Variants in CYFIP2 observed in about 807,000 individuals in gnomAD.
CYFIP2 encodes the protein cytoplasmic FMR1-interacting protein 2.
In CYFIP2, 29 loss-of-function variants were observed where a neutral mutation model predicts 158.7. The observed-to-expected ratio is 0.18, with a 90% confidence interval of 0.14 to 0.25. The LOEUF is 0.25. CYFIP2 is among the 10% of genes least tolerant of loss of function. The pLI is 1.00. For missense variants in CYFIP2, 852 were observed against 1,639.5 expected (o/e 0.52, Z 8.29); for synonymous variants, 585 against 617.6 (o/e 0.95, Z 0.78).
At chr5:157,274,630 A>G (rs1489189087) in intron 1 of CYFIP2, among the ~76,000 whole-genome samples, 2 of 152,138 alleles carry the variant, frequency 1.3e-5, no homozygotes, top group East Asian at 3.9e-4. Flanking sequence ...GTGTGTTTAA[A>G]AATTTGAGGA....
chr5:157,395,190 A>AT lies in CYFIP2; in HGVS notation c.*2193dup, dbSNP rs1767644512. The AT allele has an allele frequency of 4.6e-6, 1 of 215,652 alleles. No homozygotes were observed. The highest frequency in any genetic ancestry group is 2.4e-5 in the African/African-American group (1 of 41,836). 13.4% of individuals were successfully genotyped at this position (215,652 alleles called of 1,614,324 possible). On this transcript the variant is annotated 3_prime_UTR_variant, in exon 31 of 31. Transcript: ENST00000620254. ...TCTTCCCTTTCAGCAGAAAGATTTC[A>AT]TTTCCCTGGCTTGCCAGTGGCACTG...
chr5:157,339,506 T>C (rs1762091215), intron 22 of CYFIP2, among the ~76,000 whole-genome samples: 1 of 152,216 alleles, frequency 6.6e-6, no homozygotes, highest in Non-Finnish European at 1.5e-5. Flanking sequence ...AAGTTGCCCA[T>C]TGGGGTGTTT....
At chr5:157,323,060 G>A (rs1368106414) in intron 15 of CYFIP2, 6 of 1,520,472 alleles carry the variant, frequency 3.9e-6, no homozygotes, top group Non-Finnish European at 5.3e-6. Flanking sequence ...CCCTTCTCGA[G>A]GAGGCAGCAG....
intron 23 of CYFIP2, among the ~76,000 whole-genome samples, chr5:157,346,440 T>C (rs1050924553): frequency 2.6e-5 from 4 of 152,110 alleles, no homozygotes; most frequent in African/African-American, 9.7e-5. Context: ...CAATGACTAA[T>C]GTCTTTGTAA....
At chr5:157,358,632 GT>G (rs1763583859) in intron 23 of CYFIP2, among the ~76,000 whole-genome samples, 1 of 152,164 alleles carries the variant, frequency 6.6e-6, no homozygotes, top group African/African-American at 2.4e-5. Flanking sequence ...CCAATGTCTA[GT>G]ACTAGTAATG....
chr5:157,287,212 C>G (rs904142495), intron 3 of CYFIP2, 104 bp downstream of exon 3: 1 of 828,036 alleles, frequency 1.2e-6, no homozygotes, highest in East Asian at 2.7e-5. Flanking sequence ...ACTCTAAGAA[C>G]CCCCTGCCTC....
intron 6 of CYFIP2, among the ~76,000 whole-genome samples, chr5:157,301,398 C>G (rs1398121713): frequency 1.3e-5 from 2 of 152,200 alleles, no homozygotes; most frequent in Non-Finnish European, 2.9e-5. Context: ...GCTTCATTCT[C>G]AGGTCTGTGG....
At chr5:157,366,098 C>A (rs1220279) in intron 26 of CYFIP2, among the ~76,000 whole-genome samples, 80,507 of 151,910 alleles carry the variant, frequency 0.53, 22,212 homozygotes, top group African/African-American at 0.63. Context: ...TGAGAGTTAT[C>A]ATTTCTTTGC....
Position 157,341,053 on chromosome 5 carries a change from C to T in CYFIP2, c.2586-17C>T. The T allele has an allele frequency of 6.2e-7, 1 of 1,610,854 alleles. No individual in the cohort carries two copies. Among genetic ancestry groups the T allele is most frequent in the Non-Finnish European group, 8.5e-7 (1 of 1,177,006 alleles). ...TAGGACCATATTAACTCTTTCCCATCCCTATGCTTCTACTAGTTTTGTGCG... is the reference window on the plus strand; with the variant it reads ...TAGGACCATATTAACTCTTTCCCATTCCTATGCTTCTACTAGTTTTGTGCG... On this transcript the variant is annotated splice_polypyrimidine_tract_variant and intron_variant, in intron 22 of 30. Transcript: ENST00000620254.
chr5:157,339,601 G>A (rs1446684090), intron 22 of CYFIP2, among the ~76,000 whole-genome samples: 1 of 152,228 alleles, frequency 6.6e-6, no homozygotes, highest in Non-Finnish European at 1.5e-5. Context: ...GAGGATGTGG[G>A]TGATCAATCA....
intron 22 of CYFIP2, 43 bp downstream of exon 22, chr5:157,339,299 G>A (rs372141823): frequency 2.4e-5 from 38 of 1,573,264 alleles, no homozygotes; most frequent in Non-Finnish European, 3.0e-5. Flanking sequence ...GGGGGTTGGG[G>A]GAGTGGCCAG....
chr5:157,390,402 A>T, intron 29 of CYFIP2, 119 bp from the exon 30 acceptor site: 1 of 923,780 alleles, frequency 1.1e-6, no homozygotes, highest in Non-Finnish European at 1.6e-6. Context: ...AGGTTAAGAG[A>T]CTTGGCCCAA....
At chr5:157,309,615 G>A (rs532655179) in intron 9 of CYFIP2, 128 bp from the exon 10 acceptor site, 33 of 777,744 alleles carry the variant, frequency 4.2e-5, no homozygotes, top group Non-Finnish European at 5.9e-5. Context: ...TAGCGTCATC[G>A]GAAGCAGAAA....
chr5:157,364,972 A>T (rs1581151907), intron 26 of CYFIP2: 1 of 152,240 alleles, frequency 6.6e-6, no homozygotes, highest in African/African-American at 2.4e-5. Flanking sequence ...AAGATAAAAA[A>T]TAGTGAAAGA....
At chr5:157,318,226 A>C (rs1760307914) in intron 13 of CYFIP2, among the ~76,000 whole-genome samples, 1 of 152,172 alleles carries the variant, frequency 6.6e-6, no homozygotes, top group African/African-American at 2.4e-5. Context: ...AATTTTGATG[A>C]AGTCCAATTT....
intron 1 of CYFIP2, among the ~76,000 whole-genome samples, chr5:157,272,106 G>A (rs977622734): frequency 2.6e-5 from 4 of 152,202 alleles, no homozygotes; most frequent in Non-Finnish European, 4.4e-5. Flanking sequence ...GGGCAAAATG[G>A]CAAACGAAGG....
At chr5:157,295,754 G>A (rs1758199223) in intron 4 of CYFIP2, among the ~76,000 whole-genome samples, 1 of 152,180 alleles carries the variant, frequency 6.6e-6, no homozygotes, top group Admixed American at 6.5e-5. Flanking sequence ...TGGATATTTA[G>A]CATGATGCTG....
chr5:157,278,040 A>T (rs1480791173), intron 1 of CYFIP2, among the ~76,000 whole-genome samples: 1 of 152,198 alleles, frequency 6.6e-6, no homozygotes, highest in Non-Finnish European at 1.5e-5. Flanking sequence ...TCTTATGGGA[A>T]CACCATCATA....
chr5:157,279,208 T>C (rs1259538597), intron 1 of CYFIP2, among the ~76,000 whole-genome samples: 1 of 152,248 alleles, frequency 6.6e-6, no homozygotes, highest in Non-Finnish European at 1.5e-5. Context: ...TATTGTAAAT[T>C]GTCACCCTTA....
Sources: allele counts gnomAD v4.1 joint callset (sites outside exome capture counted in the v4.1 genomes callset), GRCh38; gene constraint gnomAD v4.1.1; transcripts MANE v1.5; gene names NCBI Gene and HGNC (gene_info 2026-07-23, HGNC 2026-07-21).